SYN2: variants seen among roughly 807,000 people sequenced by gnomAD.
SYN2 encodes synapsin II, also known as synapsin-2.
In SYN2, 19 loss-of-function variants were observed where a neutral mutation model predicts 50.9. That is an observed-to-expected ratio of 0.37 (90% CI 0.26 to 0.55). The LOEUF is 0.55. Among genes scored for constraint, SYN2 ranks in the 20% least tolerant of loss-of-function variants. The pLI, the probability that SYN2 is intolerant of heterozygous loss-of-function variation, is 0.81. For missense variants in SYN2, 587 were observed against 576.4 expected (o/e 1.02, Z -0.19); for synonymous variants, 255 against 224.9 (o/e 1.13, Z -1.20).
At chr3:12,129,044 C>T (rs9870180) in intron 1 of SYN2, among the ~76,000 whole-genome samples, 12,177 of 148,776 alleles carry the variant, frequency 0.082, 850 homozygotes, top group East Asian at 0.19. Flanking sequence ...ATAGAAATAA[C>T]GAAGAATAAT....
intron 1 of SYN2, among the ~76,000 whole-genome samples, chr3:12,044,181 T>TCTCTCTCTCACACACACACACACA (rs573246278): frequency 3.7e-5 from 2 of 53,404 alleles, no homozygotes; most frequent in Admixed American, 6.1e-4. Flanking sequence ...TCTCTCTCTC[T>TCTCTCTCTCACACACACACACACA]CACACACACA....
chr3:12,066,847 G>C (rs946704637), intron 1 of SYN2, among the ~76,000 whole-genome samples: 7 of 152,086 alleles, frequency 4.6e-5, no homozygotes, highest in Non-Finnish European at 8.8e-5. Context: ...TGGCTGGGGG[G>C]GGCCTCAGGA....
intron 1 of SYN2, chr3:12,070,202 G>T (rs555587901): frequency 1.0e-5 from 4 of 381,844 alleles, no homozygotes; most frequent in African/African-American, 8.4e-5. Flanking sequence ...CTGCTCTGCC[G>T]CCCTGCTCCT....
intron 4 of SYN2, among the ~76,000 whole-genome samples, 165 bp from the exon 5 acceptor site, chr3:12,151,072 A>C (rs1359821500): frequency 6.6e-6 from 1 of 152,260 alleles, no homozygotes; most frequent in Non-Finnish European, 1.5e-5. Context: ...ACTAATGCGT[A>C]TCATATCCTT....
intron 1 of SYN2, among the ~76,000 whole-genome samples, chr3:12,101,366 A>C (rs968963048): frequency 6.6e-6 from 1 of 152,178 alleles, no homozygotes; most frequent in Non-Finnish European, 1.5e-5. Flanking sequence ...ACATTATGCT[A>C]AGTGAGAGAA....
intron 1 of SYN2, among the ~76,000 whole-genome samples, chr3:12,056,138 A>G (rs982028809): frequency 6.6e-6 from 1 of 152,216 alleles, no homozygotes; most frequent in Non-Finnish European, 1.5e-5. Context: ...CCTGTGGATT[A>G]AAAGAGATTT....
chr3:12,038,947 T>G (rs1467922244), intron 1 of SYN2, among the ~76,000 whole-genome samples: 1 of 152,180 alleles, frequency 6.6e-6, no homozygotes, highest in Non-Finnish European at 1.5e-5. Context: ...CAGTATAATG[T>G]TGAGTAGAAG....
At position 12,079,507 on chromosome 3, in the gene SYN2, G is replaced by A. The variant is rs527322652; in HGVS notation, c.378-61144G>A. On this transcript the variant is annotated intron_variant, in intron 1 of 12. Transcript: ENST00000621198. ...ACCTAGTTTATTGAGAGTTTTTAAC[G>A]TGAAGGTATGTTGAATGTTATCGAA... Among the ~76,000 whole-genome samples, 5 of 152,066 alleles carry A rather than the reference G, an allele frequency of 3.3e-5. No individual in the cohort carries two copies. In the East Asian group the frequency reaches 5.8e-4, roughly 18 times the overall value.
intron 1 of SYN2, among the ~76,000 whole-genome samples, chr3:12,138,777 G>A (rs74984415): frequency 2.5e-3 from 384 of 152,306 alleles, no homozygotes; most frequent in East Asian, 0.02. Context: ...CAGGAAAATA[G>A]GAGGAAGCAT....
intron 9 of SYN2, 91 bp downstream of exon 9, chr3:12,168,569 C>A: frequency 1.8e-6 from 2 of 1,098,702 alleles, no homozygotes; most frequent in East Asian, 2.6e-5. Context: ...GTCTCCTGAA[C>A]CATGGAAATG....
Position 12,004,736 on chromosome 3 carries a change from C to T in SYN2, c.185C>T (p.Pro62Leu), listed in dbSNP as rs1441269098. Residue 62 changes from proline (P) to leucine (L), a missense_variant, in exon 1 of 13, where the codon CCG (proline) becomes CTG (leucine). By Grantham distance (98) the Pro-to-Leu change is moderately conservative. Transcript: ENST00000621198. ...PTASPGPERR[P>L]PPASAPAPQP... ...GCCTCGCCGGGCCCGGAGCGGAGGC[C>T]GCCGCCCGCCTCGGCGCCCGCGCCG... The T allele has an allele frequency of 7.7e-6, 2 of 258,652 alleles. No homozygotes were observed. Among genetic ancestry groups the T allele is most frequent in the South Asian group, 1.5e-4 (1 of 6,684 alleles). The allele number at this position is 258,652 out of a possible 1,614,324, so 16.0% of individuals were successfully genotyped here.
At chr3:12,063,033 A>T (rs1158375438) in intron 1 of SYN2, among the ~76,000 whole-genome samples, 5 of 151,954 alleles carry the variant, frequency 3.3e-5, no homozygotes, top group African/African-American at 9.7e-5. Context: ...GAAAAGGCAA[A>T]ACTATAGTAA....
chr3:12,103,686 C>G (rs1208056562), intron 1 of SYN2, among the ~76,000 whole-genome samples: 1 of 152,146 alleles, frequency 6.6e-6, no homozygotes, highest in Non-Finnish European at 1.5e-5. Flanking sequence ...TAACTTCAAG[C>G]TTGGTCACAG....
At chr3:12,025,768 C>G (rs973416977) in intron 1 of SYN2, among the ~76,000 whole-genome samples, 1 of 152,284 alleles carries the variant, frequency 6.6e-6, no homozygotes, top group East Asian at 1.9e-4. Flanking sequence ...AGCCACCCAA[C>G]CAGGCACCTC....
chr3:12,185,619 A>G (rs1698327035), intron 11 of SYN2: 1 of 985,680 alleles, frequency 1.0e-6, no homozygotes, highest in Non-Finnish European at 1.2e-6. Flanking sequence ...CTTTTTTTGT[A>G]CTGATCCAAC....
At chr3:12,084,420 G>A (rs1251160903) in intron 1 of SYN2, among the ~76,000 whole-genome samples, 1 of 152,004 alleles carries the variant, frequency 6.6e-6, no homozygotes, top group Admixed American at 6.6e-5. Flanking sequence ...GGAATATTAT[G>A]CCCAGAAATC....
At chr3:12,128,246 A>G (rs555719298) in intron 1 of SYN2, among the ~76,000 whole-genome samples, 1 of 152,126 alleles carries the variant, frequency 6.6e-6, no homozygotes, top group African/African-American at 2.4e-5. Context: ...CGCCCAGCCA[A>G]TTATTTACAT....
intron 1 of SYN2, among the ~76,000 whole-genome samples, chr3:12,126,135 G>T (rs535449083): frequency 2.0e-5 from 3 of 152,274 alleles, no homozygotes; most frequent in African/African-American, 7.2e-5. Flanking sequence ...CTGGAAACTG[G>T]GGAAACAATA....
At chr3:12,124,809 G>A (rs971179532) in intron 1 of SYN2, among the ~76,000 whole-genome samples, 1 of 152,110 alleles carries the variant, frequency 6.6e-6, no homozygotes, top group African/African-American at 2.4e-5. Flanking sequence ...CAGGAATAAT[G>A]AATGTTAATT....
Sources: allele counts gnomAD v4.1 joint callset (sites outside exome capture counted in the v4.1 genomes callset), GRCh38; gene constraint gnomAD v4.1.1; transcripts MANE v1.5; gene names NCBI Gene and HGNC (gene_info 2026-07-23, HGNC 2026-07-21).